The following PFKM variants were observed in gnomAD, a reference collection of about 807,000 sequenced individuals.
PFKM encodes the protein ATP-dependent 6-phosphofructokinase, muscle type.
A neutral mutation model predicts 95.5 loss-of-function variants in PFKM; 58 were observed. The ratio of observed to expected loss-of-function variants is 0.61; its 90% CI spans 0.49 to 0.76. The LOEUF (loss-of-function observed/expected upper bound fraction) is 0.76. Ranked by LOEUF, PFKM falls within the 30% of genes least tolerant of loss-of-function variation. PFKM has a pLI of 0.00. For synonymous variants in PFKM, 336 were observed against 357.2 expected (o/e 0.94, Z 0.67); for missense variants, 678 against 1,005.4 (o/e 0.67, Z 4.40).
rs1197664051 is a variant in PFKM at position 48,133,330 on chromosome 12, A to C, written c.443A>C (p.Glu148Ala). 6.2e-7 allele frequency: 1 copy of C among 1,614,102 alleles called. No homozygotes were observed. Among genetic ancestry groups the C allele is most frequent in the South Asian group, 1.1e-5 (1 of 91,082 alleles). ...DLQKAGKITD[E>A]EATKSSYLNI... ...TCATTGTCAGGTAAGATCACAGATGAGGAGGCTACGAAGTCCAGCTACCTG... is the reference window on the plus strand; with the variant it reads ...TCATTGTCAGGTAAGATCACAGATGCGGAGGCTACGAAGTCCAGCTACCTG... Residue 148 changes from glutamate (E) to alanine (A), a missense_variant, in exon 6 of 23, where the codon GAG becomes GCG. Transcript: ENST00000359794.
intron 2 of PFKM, among the ~76,000 whole-genome samples, chr12:48,124,884 C>T (rs988978637): frequency 4.6e-5 from 7 of 152,150 alleles, no homozygotes; most frequent in Admixed American, 3.9e-4. Flanking sequence ...GTCGCCTGCC[C>T]AGAGCTGAGT....
exon 1 of PFKM, chr12:48,105,998 C>T (rs1173551939): frequency 1.4e-6 from 1 of 700,620 alleles, no homozygotes; most frequent in Non-Finnish European, 2.6e-6. Context: ...TCCATCCTCA[C>T]CCCTCCCCCA....
chr12:48,112,559 G>A (rs1456435652), intron 3 of PFKM, among the ~76,000 whole-genome samples: 3 of 152,326 alleles, frequency 2.0e-5, no homozygotes, highest in African/African-American at 7.2e-5. Context: ...TGAAAGTGAA[G>A]TGAGGCTGGG....
At position 48,140,832 on chromosome 12, in the gene PFKM, C is replaced by G. The variant is rs1217619963; in HGVS notation, c.1302C>G (p.Leu434=). ...GCCTTATCCAGGGCAACCGAGTGCT[C>G]GTTGTCCATGATGGTTTCGAGGGCC... is the stretch of plus-strand genomic sequence containing the variant. ...RIGLIQGNRV[L]VVHDGFEGLA... is the part of the protein sequence containing the mutation. Residue 434 remains leucine (L), a synonymous_variant, in exon 14 of 23, where the codon CTC becomes CTG. Coordinates refer to ENST00000359794, the MANE Select transcript of PFKM (RefSeq NM_000289.6). 5 of 1,614,066 alleles carry G rather than the reference C, an allele frequency of 3.1e-6. 1 individual carries two copies. The African/African-American group carries it at 6.7e-5, about 22-fold the overall frequency.
intron 2 of PFKM, among the ~76,000 whole-genome samples, chr12:48,124,705 A>G (rs1182677041): frequency 6.6e-6 from 1 of 152,208 alleles, no homozygotes; most frequent in African/African-American, 2.4e-5. Flanking sequence ...TGATAGGCAC[A>G]GTGTAGCCAG....
intron 10 of PFKM, among the ~76,000 whole-genome samples, chr12:48,135,926 G>A (rs78575533): frequency 4.3e-5 from 6 of 139,554 alleles, no homozygotes; most frequent in African/African-American, 9.4e-5. Context: ...CATTGCACTC[G>A]CTCCCAGGCT....
At chr12:48,141,485 G>T in intron 15 of PFKM, 104 bp downstream of exon 15, 1 of 1,017,464 alleles carries the variant, frequency 9.8e-7, no homozygotes, top group Admixed American at 1.8e-5. Context: ...TGTTGTCTGG[G>T]TCCTCCACCC....
At position 48,145,341 on chromosome 12, in the gene PFKM, GTTC is replaced by G; in HGVS notation, c.2198+29_2198+31del. 6.4e-7 allele frequency: 1 copy of G among 1,573,634 alleles called. No homozygotes were observed. Among genetic ancestry groups the G allele is most frequent in the South Asian group, 1.1e-5 (1 of 90,248 alleles). Reference sequence around the variant, plus strand: ...GTGAGTACATCTGCTTCCTGGAGTGGTTCTTTTCCCTGGTAGTTTCAAGCTCTA... The same window carrying G: ...GTGAGTACATCTGCTTCCTGGAGTGGTTTTCCCTGGTAGTTTCAAGCTCTA... On this transcript the variant is annotated intron_variant, in intron 22 of 22. Coordinates refer to ENST00000359794, the MANE Select transcript of PFKM (RefSeq NM_000289.6). This position sits in a 1 kb window ranked among gnomAD's most constrained non-coding sequence, Gnocchi z 4.3.
At position 48,133,050 on chromosome 12, in the gene PFKM, G is replaced by A. The variant is rs747006965; in HGVS notation, c.420G>A (p.Gln140=). The A allele has an allele frequency of 6.2e-7, 1 of 1,614,088 alleles. No individual in the cohort carries two copies. The highest frequency in any genetic ancestry group is 1.1e-5 in the South Asian group (1 of 91,080). ...GGAGTGACTTGTTGAGTGACCTCCA[G>A]AAAGCAGGTAAGAGAGTTTTCACAT... ...SEWSDLLSDL[Q]KAGKITDEEA... Residue 140 remains glutamine (Q), a synonymous_variant, in exon 5 of 23, where the codon CAG becomes CAA. Transcript: ENST00000359794.
intron 2 of PFKM, among the ~76,000 whole-genome samples, chr12:48,127,350 A>G (rs1208278275): frequency 6.6e-6 from 1 of 152,098 alleles, no homozygotes; most frequent in East Asian, 1.9e-4. Context: ...CTGTGTTCAC[A>G]TGGATACTCC....
At chr12:48,132,772 C>T (rs1343995501) in intron 4 of PFKM, 96 bp from the exon 5 acceptor site, 1 of 1,071,166 alleles carries the variant, frequency 9.3e-7, no homozygotes, top group Admixed American at 2.0e-5. Flanking sequence ...TCTAGGGAGT[C>T]ACACAGTTAT....
In PFKM at chr12:48,131,306, T is replaced by G; in HGVS notation, c.160-10T>G. The G allele has an allele frequency of 6.3e-7, 1 of 1,594,498 alleles. No homozygotes were observed. Among genetic ancestry groups the G allele is most frequent in the Non-Finnish European group, 8.6e-7 (1 of 1,162,150 alleles). On this transcript the variant is annotated splice_polypyrimidine_tract_variant and intron_variant, in intron 3 of 22. Transcript: ENST00000359794. The stretch of plus-strand genomic sequence containing the variant: ...CCTAACGGGCTGAACAGGTATAATG[T>G]GTCACACAGGGTTATCAAGGCCTGG...
intron 4 of PFKM, 78 bp from the exon 5 acceptor site, chr12:48,132,790 C>T: frequency 8.2e-7 from 1 of 1,217,560 alleles, no homozygotes; most frequent in South Asian, 1.3e-5. Flanking sequence ...TATGTTAGGC[C>T]ATCACAGCAT....
rs547563104 is a variant in PFKM at position 48,134,136 on chromosome 12, G to A, written c.594-96G>A. On this transcript the variant is annotated intron_variant, in intron 6 of 22. Transcript: ENST00000359794. ...TGCTAGAAGGCCTGGCAGCATACAT[G>A]TATCTCCCAGAGAGGGTAATTGGCC... 24 of 983,966 alleles carry A rather than the reference G, an allele frequency of 2.4e-5. No homozygotes were observed. The African/African-American group carries it at 2.7e-4, about 11-fold the overall frequency. 61.0% of individuals were successfully genotyped at this position (983,966 alleles called of 1,614,324 possible).
upstream of PFKM, among the ~76,000 whole-genome samples, chr12:48,115,168 A>G (rs1245213027): frequency 6.6e-6 from 1 of 152,184 alleles, no homozygotes; most frequent in African/African-American, 2.4e-5. Context: ...CCAATGGAAC[A>G]TGGGTGAATA....
chr12:48,121,452 A>G (rs1457841423), intron 1 of PFKM, among the ~76,000 whole-genome samples: 15 of 152,238 alleles, frequency 9.9e-5, no homozygotes, highest in Non-Finnish European at 2.1e-4. Flanking sequence ...TGTTAACACA[A>G]TGCATGTTTG....
chr12:48,119,620 A>G (rs927345086), intron 1 of PFKM, among the ~76,000 whole-genome samples: 2 of 128,164 alleles, frequency 1.6e-5, no homozygotes, highest in East Asian at 5.6e-4. Context: ...GCTCAGCTGC[A>G]TTCCCCAGGA....
upstream of PFKM, among the ~76,000 whole-genome samples, chr12:48,119,069 A>G (rs908015844): frequency 6.6e-6 from 1 of 152,188 alleles, no homozygotes; most frequent in Non-Finnish European, 1.5e-5. Context: ...TGAAAACAAG[A>G]GAAGCAACGA....
Position 48,145,580 on chromosome 12 carries a change from G to A in PFKM, c.2215G>A (p.Glu739Lys). 6 of 1,613,988 alleles carry A rather than the reference G, an allele frequency of 3.7e-6. No individual in the cohort carries two copies. Among genetic ancestry groups the A allele is most frequent in the Non-Finnish European group, 5.1e-6 (6 of 1,179,976 alleles). The change falls in exon 23 of 23, where the codon GAA becomes AAA. Residue 739 changes from glutamate to lysine, a missense_variant. By Grantham distance (56) the Glu-to-Lys change is moderately conservative. Transcript: ENST00000359794. The surrounding 1 kb of genome is among the most constrained non-coding windows in gnomAD (Gnocchi z 4.3). The part of the protein sequence containing the change: ...QTDFEHRIPK[E>K]QWWLKLRPIL... ...CCTCTGTAGGCATCGAATCCCCAAG[G>A]AACAGTGGTGGCTGAAACTGAGGCC...
Sources: gnomAD v4.1 joint callset for allele counts (sites outside exome capture counted in the v4.1 genomes callset) on GRCh38, gnomAD v4.1.1 for gene constraint, Gnocchi (gnomAD v3.1) non-coding constraint, MANE v1.5 for transcripts, NCBI Gene and HGNC (gene_info 2026-07-23, HGNC 2026-07-21) for gene names.